Variants in TP73 observed in about 807,000 individuals in gnomAD.
TP73 encodes p53-like transcription factor.
A neutral mutation model predicts 62.5 loss-of-function variants in TP73; 25 were observed. The observed-to-expected ratio is 0.40, with a 90% CI of 0.29 to 0.56. TP73 has a LOEUF of 0.56. Among genes scored for constraint, TP73 ranks in the 20% least tolerant of loss-of-function variants. TP73 has a pLI of 0.46. For synonymous variants in TP73, 423 were observed against 377.5 expected (o/e 1.12, Z -1.40); for missense variants, 754 against 913.3 (o/e 0.83, Z 2.25).
chr1:3,730,534 G>A (rs1234015460), intron 11 of TP73, among the ~76,000 whole-genome samples: 2 of 152,174 alleles, frequency 1.3e-5, no homozygotes, highest in Admixed American at 6.5e-5. Flanking sequence ...GCACAAGCCG[G>A]GGGCTCCATT....
At chr1:3,669,636 G>A (rs1032537222) in intron 1 of TP73, among the ~76,000 whole-genome samples, 3 of 152,220 alleles carry the variant, frequency 2.0e-5, no homozygotes, top group Admixed American at 1.3e-4. Flanking sequence ...TTGTGGCCCC[G>A]GAGCCTCTCC....
chr1:3,664,949 T>G (rs1645078388), intron 1 of TP73, among the ~76,000 whole-genome samples: 2 of 152,208 alleles, frequency 1.3e-5, no homozygotes, highest in South Asian at 2.1e-4. Context: ...CCTCGCAATT[T>G]GCACCATGCA....
chr1:3,686,144 C>T (rs965831024), intron 3 of TP73, among the ~76,000 whole-genome samples: 8 of 152,178 alleles, frequency 5.3e-5, no homozygotes, highest in East Asian at 1.9e-4. Context: ...TACTCAGGGG[C>T]GGGTCTGGGA....
intron 9 of TP73, 123 bp downstream of exon 9, chr1:3,728,340 C>A: frequency 2.0e-6 from 2 of 1,020,618 alleles, no homozygotes; most frequent in Non-Finnish European, 2.9e-6. Context: ...AGGAGCCCAG[C>A]CCTGTGTGAG....
At chr1:3,686,003 A>T (rs1009293509) in intron 3 of TP73, among the ~76,000 whole-genome samples, 3 of 152,202 alleles carry the variant, frequency 2.0e-5, no homozygotes, top group African/African-American at 7.2e-5. Flanking sequence ...GGCTACCGAT[A>T]GTCCTGAGTT....
Position 3,682,358 on chromosome 1 carries a change from T to C in TP73, c.-8T>C, listed in dbSNP as rs899941686. The C allele has an allele frequency of 1.3e-6, 2 of 1,535,830 alleles. No individual in the cohort carries two copies. Among genetic ancestry groups the C allele is most frequent in the Non-Finnish European group, 1.8e-6 (2 of 1,134,940 alleles). On this transcript the variant is annotated 5_prime_UTR_variant, in exon 2 of 14. Coordinates refer to ENST00000378295, the MANE Select transcript of TP73 (RefSeq NM_005427.4). ...AGCGAGCTGCCCTCGGAGGCCGGCG[T>C]GGGGAAGATGGCCCAGTCCACCGCC...
chr1:3,711,335 C>A (rs78443962), intron 4 of TP73, among the ~76,000 whole-genome samples: 170 of 152,352 alleles, frequency 1.1e-3, no homozygotes, highest in African/African-American at 3.9e-3. Context: ...CTCTGCAGGG[C>A]ATGCATGACC....
chr1:3,685,958 G>A (rs1284742215), intron 3 of TP73, among the ~76,000 whole-genome samples: 3 of 152,240 alleles, frequency 2.0e-5, no homozygotes, highest in East Asian at 1.9e-4. Flanking sequence ...CCGGCCTCGG[G>A]TCAGACAGGC....
At chr1:3,658,448 AGAAAG>A (rs1307559454) in intron 1 of TP73, among the ~76,000 whole-genome samples, 1 of 152,200 alleles carries the variant, frequency 6.6e-6, no homozygotes, top group Non-Finnish European at 1.5e-5. Context: ...CCTCTGTGAC[AGAAAG>A]GAAAGGGGGC....
chr1:3,711,852 G>GTGTA (rs1468650078), intron 4 of TP73, among the ~76,000 whole-genome samples: 2 of 150,368 alleles, frequency 1.3e-5, no homozygotes, highest in Non-Finnish European at 1.5e-5. Flanking sequence ...GTGTATGTGT[G>GTGTA]TGTGTGTGTG....
At chr1:3,725,101 C>T (rs369008544) in intron 6 of TP73, among the ~76,000 whole-genome samples, 4 of 151,826 alleles carry the variant, frequency 2.6e-5, no homozygotes, top group Non-Finnish European at 4.4e-5. Flanking sequence ...GGGGTGGGTT[C>T]GCTGGGGACA....
chr1:3,687,170 C>T (rs75929463), intron 3 of TP73, among the ~76,000 whole-genome samples: 2 of 152,156 alleles, frequency 1.3e-5, no homozygotes, highest in East Asian at 3.9e-4. Flanking sequence ...TAAAATAGGG[C>T]CCCGTTCTGC....
chr1:3,727,745 C>T lies in TP73; in HGVS notation c.960C>T (p.Ala320=). 2 of 1,550,756 alleles carry T rather than the reference C, an allele frequency of 1.3e-6. No homozygotes were observed. Among genetic ancestry groups the T allele is most frequent in the Non-Finnish European group, 8.7e-7 (1 of 1,148,104 alleles). ...REQQALNESS[A]KNGAASKRAF... is the part of the protein sequence containing the mutation. ...AGCAGGCCCTGAACGAGAGCTCCGC[C>T]AAGAACGGGGCCGCCAGCAAGCGTG... The change falls in exon 8 of 14, where the codon GCC becomes GCT. Residue 320 remains alanine, a synonymous_variant. Coordinates refer to ENST00000378295, the MANE Select transcript of TP73 (RefSeq NM_005427.4).
chr1:3,727,603 A>C (rs774269123), intron 7 of TP73, 25 bp from the exon 8 acceptor site: 2 of 1,587,308 alleles, frequency 1.3e-6, no homozygotes, highest in Non-Finnish European at 1.7e-6. Context: ...TTGAGCTCAC[A>C]ATTCTGGCTG....
chr1:3,687,386 A>C (rs1645686401), intron 3 of TP73, among the ~76,000 whole-genome samples: 1 of 152,184 alleles, frequency 6.6e-6, no homozygotes, highest in Non-Finnish European at 1.5e-5. Context: ...GAAGAGCTGC[A>C]GAGGATAAAG....
rs1487904642 is a variant in TP73 at position 3,670,929 on chromosome 1, A to G, written c.-33-11404A>G. ...GTCAGGGCTTGGTGGTCTGGCCCGC[A>G]AAGAGTCAGCATGTGAATGTCTCTC... On this transcript the variant is annotated intron_variant, in intron 1 of 13. Transcript: ENST00000378295. This position sits in a 1 kb window ranked among gnomAD's most constrained non-coding sequence, Gnocchi z 5.9. Among the ~76,000 whole-genome samples, 1 of 152,168 alleles carries G rather than the reference A, an allele frequency of 6.6e-6. No homozygotes were observed. Among genetic ancestry groups the G allele is most frequent in the Non-Finnish European group, 1.5e-5 (1 of 68,030 alleles).
At position 3,732,806 on chromosome 1, in the gene TP73, G is replaced by A. The variant is rs768495559; in HGVS notation, c.1638G>A (p.Gln546=). 17 of 1,607,536 alleles carry A rather than the reference G, an allele frequency of 1.1e-5. No homozygotes were observed. The highest frequency in any genetic ancestry group is 1.4e-5 in the Non-Finnish European group (17 of 1,176,118). ...QYRMTIWRGL[Q]DLKQGHDYST... is the part of the protein sequence containing the mutation. ...GCATGACCATCTGGCGGGGCCTGCAGGACCTGAAGCAGGGCCACGACTACA... is the reference window on the plus strand; with the variant it reads ...GCATGACCATCTGGCGGGGCCTGCAAGACCTGAAGCAGGGCCACGACTACA... Residue 546 remains glutamine (Q), a synonymous_variant, in exon 14 of 14, where the codon CAG becomes CAA. Transcript: ENST00000378295.
chr1:3,708,909 G>T (rs1639899355), intron 4 of TP73, among the ~76,000 whole-genome samples: 1 of 152,226 alleles, frequency 6.6e-6, no homozygotes, highest in Non-Finnish European at 1.5e-5. Flanking sequence ...CTCAGTGCTG[G>T]CCCCCTGAAG....
At chr1:3,729,126 G>C (rs1055087882) in intron 9 of TP73, among the ~76,000 whole-genome samples, 3 of 152,210 alleles carry the variant, frequency 2.0e-5, no homozygotes, top group African/African-American at 7.2e-5. Context: ...CAGGATACCT[G>C]CCCACTGAGT....
Sources: allele counts gnomAD v4.1 joint callset (sites outside exome capture counted in the v4.1 genomes callset), GRCh38; gene constraint gnomAD v4.1.1; non-coding constraint Gnocchi (gnomAD v3.1); transcripts MANE v1.5; gene names NCBI Gene and HGNC (gene_info 2026-07-23, HGNC 2026-07-21).